SLCO3A1: variants seen among roughly 807,000 people sequenced by gnomAD.
SLCO3A1 encodes PGE1 transporter.
Under a neutral mutation model 63.1 loss-of-function variants are expected in SLCO3A1, and 27 were observed. The observed-to-expected ratio is 0.43, with a 90% confidence interval of 0.32 to 0.59. SLCO3A1 has a LOEUF of 0.59. SLCO3A1 is among the 20% of genes least tolerant of loss of function. The pLI, the probability that SLCO3A1 is intolerant of heterozygous loss-of-function variation, is 0.09. For synonymous variants in SLCO3A1, 473 were observed against 409.9 expected, an observed-to-expected ratio of 1.15 and a Z score of -1.86; for missense variants, 773 against 945.8, an observed-to-expected ratio of 0.82 and a Z score of 2.40.
chr15:92,153,886 G>A (rs1292933164), intron 9 of SLCO3A1, among the ~76,000 whole-genome samples: 3 of 152,226 alleles, frequency 2.0e-5, no homozygotes, highest in Admixed American at 1.3e-4. Context: ...AGATGGAGCT[G>A]GAGAGGGTAG....
At chr15:92,075,045 A>T (rs557501501) in intron 2 of SLCO3A1, among the ~76,000 whole-genome samples, 3 of 152,176 alleles carry the variant, frequency 2.0e-5, no homozygotes, top group Non-Finnish European at 4.4e-5. Context: ...TTCAACCCTG[A>T]TACCTGGGCA....
At chr15:92,059,407 A>C (rs537237305) in intron 2 of SLCO3A1, among the ~76,000 whole-genome samples, 16 of 152,278 alleles carry the variant, frequency 1.1e-4, no homozygotes, top group African/African-American at 3.6e-4. Context: ...CTCTGGCAGC[A>C]TGGGTCCATC....
intron 2 of SLCO3A1, among the ~76,000 whole-genome samples, chr15:91,918,444 A>G (rs1898732575): frequency 6.6e-6 from 1 of 152,226 alleles, no homozygotes; most frequent in South Asian, 2.1e-4. Flanking sequence ...AAAACATCGT[A>G]GCCCATGCCA....
intron 2 of SLCO3A1, among the ~76,000 whole-genome samples, chr15:91,977,789 C>T (rs574461274): frequency 2.0e-5 from 3 of 152,162 alleles, no homozygotes; most frequent in African/African-American, 4.8e-5. Context: ...TAAGATACCT[C>T]GACAAAGAAA....
chr15:92,000,323 G>A (rs543392464), intron 2 of SLCO3A1, among the ~76,000 whole-genome samples: 2 of 152,116 alleles, frequency 1.3e-5, no homozygotes, highest in South Asian at 2.1e-4. Flanking sequence ...ATATCCTCTG[G>A]GAAGGGAAGT....
rs1899643584 is a variant in SLCO3A1 at position 91,942,131 on chromosome 15, T to G, written c.646+25673T>G. On this transcript the variant is annotated intron_variant, in intron 2 of 9. Coordinates refer to ENST00000318445, the MANE Select transcript of SLCO3A1 (RefSeq NM_013272.4). This position sits in a 1 kb window ranked among gnomAD's most constrained non-coding sequence, Gnocchi z 4.1. ...TGTACCTAATTTTAGGAAATCATAA[T>G]TTTGGATCACGGCAGCTTTTCTTAT... 6.6e-6 allele frequency among the ~76,000 whole-genome samples: 1 copy of G among 150,922 alleles called. No individual in the cohort carries two copies. Among genetic ancestry groups the G allele is most frequent in the Non-Finnish European group, 1.5e-5 (1 of 68,038 alleles).
chr15:92,155,991 G>A (rs1364375035), intron 9 of SLCO3A1, among the ~76,000 whole-genome samples: 1 of 152,140 alleles, frequency 6.6e-6, no homozygotes, highest in Admixed American at 6.5e-5. Context: ...CCCTCGGGGT[G>A]CATTTCTGTA....
intron 2 of SLCO3A1, among the ~76,000 whole-genome samples, chr15:92,093,553 G>C (rs2047503075): frequency 6.6e-6 from 1 of 152,150 alleles, no homozygotes; most frequent in Admixed American, 6.5e-5. Context: ...CCTTTGCCCG[G>C]TATTTAAAAA....
At chr15:91,914,162 C>T (rs533453768) in intron 1 of SLCO3A1, among the ~76,000 whole-genome samples, 5 of 152,328 alleles carry the variant, frequency 3.3e-5, no homozygotes, top group African/African-American at 9.6e-5. Context: ...GGGAAACTAA[C>T]GCGCAAAGTA....
intron 2 of SLCO3A1, among the ~76,000 whole-genome samples, chr15:92,082,705 C>T (rs530930306): frequency 1.3e-5 from 2 of 152,190 alleles, no homozygotes; most frequent in African/African-American, 4.8e-5. Flanking sequence ...GACTGATAAC[C>T]CTTCTTCCCA....
intron 4 of SLCO3A1, 131 bp from the exon 5 acceptor site, chr15:92,120,331 CTGG>C: frequency 1.2e-6 from 1 of 842,836 alleles, no homozygotes; most frequent in Non-Finnish European, 1.8e-6. Flanking sequence ...GCCTTAGCAA[CTGG>C]GTACCTCTGG....
intron 1 of SLCO3A1, among the ~76,000 whole-genome samples, chr15:91,867,901 C>T (rs530426876): frequency 6.6e-6 from 1 of 152,314 alleles, no homozygotes; most frequent in African/African-American, 2.4e-5. Flanking sequence ...GGTCAGGAAG[C>T]ATTTCTGCGC....
chr15:92,129,233 A>T (rs1211307854), intron 7 of SLCO3A1, among the ~76,000 whole-genome samples: 2 of 151,956 alleles, frequency 1.3e-5, no homozygotes, highest in Admixed American at 6.5e-5. Flanking sequence ...TTTCTTCAAC[A>T]CTGCAGTCAG....
intron 2 of SLCO3A1, among the ~76,000 whole-genome samples, chr15:91,964,917 G>A (rs931980866): frequency 1.3e-5 from 2 of 152,008 alleles, no homozygotes; most frequent in South Asian, 2.1e-4. Context: ...ACCTTGTCCC[G>A]TACTTTGTCT....
Position 91,968,732 on chromosome 15 carries a change from G to A in SLCO3A1, c.646+52274G>A, listed in dbSNP as rs1054389285. Among the ~76,000 whole-genome samples the A allele has an allele frequency of 2.0e-5, 3 of 152,318 alleles. No individual in the cohort carries two copies. Among genetic ancestry groups the A allele is most frequent in the Non-Finnish European group, 2.9e-5 (2 of 68,028 alleles). ...CCTTCGCACGTGTGCTCACACAGCC[G>A]CAGTATTTACGGCACTCACGACGTG... On this transcript the variant is annotated intron_variant, in intron 2 of 9. Transcript: ENST00000318445. The surrounding 1 kb of genome is among the most constrained non-coding windows in gnomAD (Gnocchi z 4.2).
At position 91,859,118 on chromosome 15, in the gene SLCO3A1, C is replaced by T. The variant is rs1164209591; in HGVS notation, c.180+5030C>T. Among the ~76,000 whole-genome samples the T allele has an allele frequency of 3.3e-5, 5 of 152,178 alleles. No homozygotes were observed. Among genetic ancestry groups the T allele is most frequent in the Admixed American group, 6.5e-5 (1 of 15,278 alleles). On this transcript the variant is annotated intron_variant, in intron 1 of 9. Coordinates refer to ENST00000318445, the MANE Select transcript of SLCO3A1 (RefSeq NM_013272.4). This position sits in a 1 kb window ranked among gnomAD's most constrained non-coding sequence, Gnocchi z 5.1. ...TATTTACATACGTGTTTGTGTACAGCGTTGCATACAATGAATATTGTATGC... is the reference window on the plus strand; with the variant it reads ...TATTTACATACGTGTTTGTGTACAGTGTTGCATACAATGAATATTGTATGC...
At position 92,000,454 on chromosome 15, in the gene SLCO3A1, C is replaced by T. The variant is rs566749793; in HGVS notation, c.646+83996C>T. Among the ~76,000 whole-genome samples, 42 of 147,022 alleles carry T rather than the reference C, an allele frequency of 2.9e-4. No individual in the cohort carries two copies. The South Asian group carries it at 9.1e-3, about 32-fold the overall frequency. ...TGACTGCTTAATGAGTATGTGTTTT[C>T]TTTGTGGTCATGCAAATGTTTTGGA... On this transcript the variant is annotated intron_variant, in intron 2 of 9. Transcript: ENST00000318445.
chr15:91,910,677 C>T (rs1298991784), intron 1 of SLCO3A1, among the ~76,000 whole-genome samples: 3 of 152,252 alleles, frequency 2.0e-5, no homozygotes, highest in Non-Finnish European at 4.4e-5. Flanking sequence ...TCTCCTGCTC[C>T]AGACTTACAC....
intron 2 of SLCO3A1, among the ~76,000 whole-genome samples, chr15:92,003,897 C>T (rs1186590863): frequency 6.6e-6 from 1 of 152,202 alleles, no homozygotes; most frequent in Admixed American, 6.5e-5. Flanking sequence ...CCCATCAGCA[C>T]TGCGCAGCTG....
Sources: allele counts gnomAD v4.1 joint callset (sites outside exome capture counted in the v4.1 genomes callset), GRCh38; gene constraint gnomAD v4.1.1; non-coding constraint Gnocchi (gnomAD v3.1); transcripts MANE v1.5; gene names NCBI Gene and HGNC (gene_info 2026-07-23, HGNC 2026-07-21).